Variants in MICU2 observed in about 807,000 individuals in gnomAD.
The protein encoded by MICU2 is mitochondrial calcium uptake 2, also known as calcium uptake protein 2, mitochondrial.
MICU2 carries 64 observed loss-of-function variants against 60.4 expected under a neutral mutation model. The observed-to-expected ratio is 1.06, with a 90% CI of 0.87 to 1.31. The LOEUF is 1.31. MICU2 is among the 50% of genes most tolerant of loss of function. The pLI, the probability that MICU2 is intolerant of heterozygous loss-of-function variation, is 0.00. For missense variants in MICU2, 569 were observed against 531.0 expected (o/e 1.07, Z -0.70); for synonymous variants, 201 against 175.0 (o/e 1.15, Z -1.17).
intron 4 of MICU2, chr13:21,530,870 A>C: frequency 1.3e-6 from 1 of 748,710 alleles, no homozygotes; most frequent in Non-Finnish European, 2.4e-6. Flanking sequence ...TCACCCTCCT[A>C]CGTCCTGTAC....
chr13:21,503,836 C>A (rs1886235194), intron 8 of MICU2, among the ~76,000 whole-genome samples: 1 of 152,178 alleles, frequency 6.6e-6, no homozygotes, highest in African/African-American at 2.4e-5. Context: ...TTTTAATATG[C>A]TGCAGATCCC....
intron 8 of MICU2, among the ~76,000 whole-genome samples, chr13:21,509,638 C>T (rs1017576144): frequency 2.0e-5 from 3 of 152,190 alleles, no homozygotes; most frequent in Admixed American, 6.5e-5. Flanking sequence ...ACTGCCCAAC[C>T]GACTCAAAGA....
At chr13:21,569,172 T>C (rs973569168) in intron 1 of MICU2, among the ~76,000 whole-genome samples, 4 of 152,138 alleles carry the variant, frequency 2.6e-5, no homozygotes, top group Non-Finnish European at 4.4e-5. Context: ...TATAGAAAAA[T>C]GACCTCTGAA....
intron 4 of MICU2, among the ~76,000 whole-genome samples, chr13:21,534,231 G>A (rs1209829360): frequency 6.7e-6 from 1 of 148,802 alleles, no homozygotes; most frequent in African/African-American, 2.5e-5. Flanking sequence ...TTTAAGACAA[G>A]GTCTCACTCT....
intron 4 of MICU2, among the ~76,000 whole-genome samples, chr13:21,528,528 C>G (rs747608810): frequency 3.9e-5 from 6 of 152,132 alleles, no homozygotes; most frequent in Admixed American, 6.5e-5. Context: ...ACATTACAGA[C>G]AAGATATACA....
chr13:21,568,899 A>G (rs1263668051), intron 1 of MICU2, among the ~76,000 whole-genome samples: 1 of 151,426 alleles, frequency 6.6e-6, no homozygotes, highest in African/African-American at 2.4e-5. Context: ...TCTTATGGTT[A>G]CCATTTTTAT....
intron 11 of MICU2, 140 bp downstream of exon 11, chr13:21,495,021 T>C (rs1241126666): frequency 2.4e-5 from 13 of 548,200 alleles, no homozygotes; most frequent in African/African-American, 1.9e-4. Context: ...ATAAAATATA[T>C]TTCTGTATTT....
chr13:21,499,311 T>C (rs897542745), intron 9 of MICU2, among the ~76,000 whole-genome samples: 1 of 152,308 alleles, frequency 6.6e-6, no homozygotes, highest in South Asian at 2.1e-4. Flanking sequence ...TATTAGTCAT[T>C]TGTGGATTTC....
intron 1 of MICU2, among the ~76,000 whole-genome samples, chr13:21,578,138 G>GCA (rs1308425070): frequency 6.6e-6 from 1 of 152,180 alleles, no homozygotes; most frequent in African/African-American, 2.4e-5. Context: ...TAGTAACCCT[G>GCA]CACTGGAATT....
chr13:21,521,149 CAATG>C, intron 6 of MICU2, 92 bp downstream of exon 6: 1 of 980,198 alleles, frequency 1.0e-6, no homozygotes, highest in Non-Finnish European at 1.5e-6. Context: ...CATATGTAAA[CAATG>C]AATACAATTT....
At chr13:21,564,251 T>C (rs1887921456) in intron 2 of MICU2, among the ~76,000 whole-genome samples, 1 of 152,200 alleles carries the variant, frequency 6.6e-6, no homozygotes, top group Non-Finnish European at 1.5e-5. Context: ...TTAGTCATGA[T>C]GTATTTGGTA....
At chr13:21,520,515 A>G (rs1886690435) in intron 6 of MICU2, among the ~76,000 whole-genome samples, 1 of 152,254 alleles carries the variant, frequency 6.6e-6, no homozygotes, top group Non-Finnish European at 1.5e-5. Context: ...TCATTAATTC[A>G]TCAAGAGGGA....
intron 7 of MICU2, among the ~76,000 whole-genome samples, chr13:21,512,643 G>T (rs1274979723): frequency 6.6e-6 from 1 of 151,726 alleles, no homozygotes; most frequent in Non-Finnish European, 1.5e-5. Flanking sequence ...TAGAGACAGG[G>T]TTTCACCATG....
chr13:21,557,083 G>C (rs929835014), intron 2 of MICU2, among the ~76,000 whole-genome samples: 3 of 152,174 alleles, frequency 2.0e-5, no homozygotes, highest in African/African-American at 7.2e-5. Flanking sequence ...GAGGAACAGA[G>C]AGCTTGGGAA....
intron 1 of MICU2, among the ~76,000 whole-genome samples, chr13:21,593,826 C>T (rs1034499438): frequency 4.6e-5 from 7 of 152,124 alleles, no homozygotes; most frequent in Admixed American, 1.3e-4. Flanking sequence ...ACTGGCTAGC[C>T]ATATGCAGAA....
At chr13:21,572,942 A>AC (rs5802120) in intron 1 of MICU2, among the ~76,000 whole-genome samples, 25,501 of 69,856 alleles carry the variant, frequency 0.37, 2,848 homozygotes, top group Non-Finnish European at 0.51. Flanking sequence ...TGTAAATAAT[A>AC]CAAAAAAAAA....
chr13:21,546,527 C>T (rs12584577), intron 2 of MICU2, among the ~76,000 whole-genome samples: 47,498 of 151,980 alleles, frequency 0.31, 8,529 homozygotes, highest in South Asian at 0.4. Context: ...GTATTACACA[C>T]ATGCTATGTG....
Position 21,502,951 on chromosome 13 carries a change from A to C in MICU2, c.908T>G (p.Val303Gly). The C allele has an allele frequency of 6.2e-7, 1 of 1,611,122 alleles. No homozygotes were observed. The highest frequency in any genetic ancestry group is 8.5e-7 in the Non-Finnish European group (1 of 1,179,418). ...CTCTCCTGCTGACAACTTCTCTCTCACATTTTTCCAATAAATATCTTTATT... is the reference window on the plus strand; with the variant it reads ...CTCTCCTGCTGACAACTTCTCTCTCCCATTTTTCCAATAAATATCTTTATT... ...TENKDIYWKN[V>G]REKLSAGESI... The change falls in exon 9 of 12, where the codon GTG becomes GGG. Residue 303 changes from valine (V) to glycine (G), a missense_variant. Transcript: ENST00000382374.
At chr13:21,553,404 C>G (rs556029938) in intron 2 of MICU2, among the ~76,000 whole-genome samples, 1 of 152,122 alleles carries the variant, frequency 6.6e-6, no homozygotes, top group African/African-American at 2.4e-5. Flanking sequence ...CTTTTCCTAA[C>G]TGAATGCCCT....
Sources: gnomAD v4.1 joint callset for allele counts (sites outside exome capture counted in the v4.1 genomes callset) on GRCh38, gnomAD v4.1.1 for gene constraint, MANE v1.5 for transcripts, NCBI Gene and HGNC (gene_info 2026-07-23, HGNC 2026-07-21) for gene names.